The following CSRNP3 variants were observed in gnomAD, a reference collection of about 807,000 sequenced individuals.
The protein encoded by CSRNP3 is cysteine/serine-rich nuclear protein 3.
CSRNP3 carries 12 observed loss-of-function variants against 48.0 expected under a neutral mutation model. The ratio of observed to expected loss-of-function variants is 0.25; its 90% confidence interval spans 0.16 to 0.41. The LOEUF (loss-of-function observed/expected upper bound fraction) is 0.41. Among genes scored for constraint, CSRNP3 ranks in the 10% least tolerant of loss-of-function variants. The pLI is 1.00. For synonymous variants in CSRNP3, 263 were observed against 269.7 expected (o/e 0.98, Z 0.24); for missense variants, 580 against 724.4 (o/e 0.80, Z 2.29).
intron 1 of CSRNP3, among the ~76,000 whole-genome samples, chr2:165,477,693 T>A (rs1285075940): frequency 7.0e-6 from 1 of 142,148 alleles, no homozygotes; most frequent in Non-Finnish European, 1.5e-5. Flanking sequence ...TGTAGGCCGG[T>A]AGGCCAGGCA....
chr2:165,614,383 G>T (rs1394302029), intron 4 of CSRNP3, among the ~76,000 whole-genome samples: 1 of 152,104 alleles, frequency 6.6e-6, no homozygotes, highest in African/African-American at 2.4e-5. Flanking sequence ...TGCAAAGAAG[G>T]ACAATTTGAC....
chr2:165,605,417 C>T (rs183129950), intron 4 of CSRNP3, among the ~76,000 whole-genome samples: 47 of 152,080 alleles, frequency 3.1e-4, no homozygotes, highest in African/African-American at 9.9e-4. Context: ...ATCTAAAGTA[C>T]GTAGGCCCAA....
At chr2:165,486,176 T>C (rs373544113) in intron 1 of CSRNP3, among the ~76,000 whole-genome samples, 2,407 of 152,256 alleles carry the variant, frequency 0.016, 60 homozygotes, top group African/African-American at 0.054. Flanking sequence ...GTCAAATAAA[T>C]GGGTGACGGA....
At chr2:165,649,059 A>T (rs1031901954) in intron 4 of CSRNP3, among the ~76,000 whole-genome samples, 1 of 152,158 alleles carries the variant, frequency 6.6e-6, no homozygotes, top group Non-Finnish European at 1.5e-5. Context: ...GACTGAATGG[A>T]TGACGACGTG....
At chr2:165,614,441 TG>T (rs1190042172) in intron 4 of CSRNP3, among the ~76,000 whole-genome samples, 6 of 152,346 alleles carry the variant, frequency 3.9e-5, no homozygotes, top group Admixed American at 3.9e-4. Flanking sequence ...CCAATTGCTA[TG>T]ATCAAGACTT....
Position 165,608,934 on chromosome 2 carries a change from CAAAA to C in CSRNP3, c.148+13741_148+13744del, listed in dbSNP as rs33952227. Among the ~76,000 whole-genome samples the C allele has an allele frequency of 1.3e-3, 99 of 75,578 alleles. No homozygotes were observed. In the East Asian group the frequency reaches 0.018, roughly 14 times the overall value. The allele number at this position is 75,578 out of a possible 152,430, so 49.6% of individuals were successfully genotyped here. A position where few individuals can be genotyped will look rare whatever the true frequency, so the allele number is the denominator to read the frequency against. Reference sequence around the variant, plus strand: ...TGAAACCCCGTCTCTACTAAAAATACAAAAAAAAAAAAAAAAAAAAAAATTAGCT... The same window carrying C: ...TGAAACCCCGTCTCTACTAAAAATACAAAAAAAAAAAAAAAAAAATTAGCT... On this transcript the variant is annotated intron_variant, in intron 4 of 6. Coordinates refer to ENST00000651982, the MANE Select transcript of CSRNP3 (RefSeq NM_001172173.2).
intron 3 of CSRNP3, among the ~76,000 whole-genome samples, chr2:165,521,284 A>G (rs1684658956): frequency 6.6e-6 from 1 of 152,154 alleles, no homozygotes; most frequent in African/African-American, 2.4e-5. Context: ...TTCTTCCCAA[A>G]CCAATATTGA....
intron 2 of CSRNP3, among the ~76,000 whole-genome samples, chr2:165,505,758 G>C (rs1488080565): frequency 6.6e-6 from 1 of 152,052 alleles, no homozygotes; most frequent in South Asian, 2.1e-4. Context: ...TGGCAACAAG[G>C]CTTGTCAACA....
intron 3 of CSRNP3, among the ~76,000 whole-genome samples, chr2:165,549,190 T>A (rs1396428087): frequency 1.3e-5 from 2 of 152,020 alleles, no homozygotes; most frequent in African/African-American, 4.8e-5. Context: ...TGATTTTATT[T>A]ATAATCTGTG....
At chr2:165,632,025 C>A (rs1191455272) in intron 4 of CSRNP3, among the ~76,000 whole-genome samples, 1 of 152,178 alleles carries the variant, frequency 6.6e-6, no homozygotes, top group African/African-American at 2.4e-5. Flanking sequence ...GACTTGTTTG[C>A]AGAATTTTTA....
chr2:165,586,723 G>A (rs978343106), intron 3 of CSRNP3, among the ~76,000 whole-genome samples: 11 of 152,164 alleles, frequency 7.2e-5, no homozygotes, highest in African/African-American at 2.4e-4. Flanking sequence ...AACACTAGAT[G>A]AATATCAGTG....
intron 4 of CSRNP3, among the ~76,000 whole-genome samples, chr2:165,625,534 T>C (rs1369145165): frequency 1.3e-4 from 19 of 151,376 alleles, no homozygotes; most frequent in Admixed American, 1.2e-3. Context: ...CTTGGGAAGC[T>C]GAGACAGGAG....
At chr2:165,662,006 T>C (rs2390289) in intron 5 of CSRNP3, among the ~76,000 whole-genome samples, 68,045 of 151,786 alleles carry the variant, frequency 0.45, 15,283 homozygotes, top group East Asian at 0.55. Flanking sequence ...GAGTTCCAAA[T>C]AGAGAACACA....
chr2:165,622,199 G>A (rs906685084), intron 4 of CSRNP3, among the ~76,000 whole-genome samples: 2 of 152,042 alleles, frequency 1.3e-5, no homozygotes, highest in Admixed American at 6.6e-5. Context: ...AATTCTAGCA[G>A]CCTATTTCCC....
At chr2:165,535,503 G>A (rs1684870608) in intron 3 of CSRNP3, among the ~76,000 whole-genome samples, 2 of 151,774 alleles carry the variant, frequency 1.3e-5, no homozygotes, top group African/African-American at 4.8e-5. Context: ...AGACCATTTA[G>A]TCTACAAATG....
rs536134451 is a variant in CSRNP3 at position 165,515,781 on chromosome 2, A to G, written c.-112-2092A>G. On this transcript the variant is annotated intron_variant, in intron 2 of 6. Coordinates refer to ENST00000651982, the MANE Select transcript of CSRNP3 (RefSeq NM_001172173.2). Reference sequence around the variant, plus strand: ...TTTAATTATTTTGTTTTAATTGCAAATATCTTTTTCTTTTCCTTTCTTTTT... The same window carrying G: ...TTTAATTATTTTGTTTTAATTGCAAGTATCTTTTTCTTTTCCTTTCTTTTT... Among the ~76,000 whole-genome samples, 83 of 150,644 alleles carry G rather than the reference A, an allele frequency of 5.5e-4. 2 individuals are homozygous for G. Among genetic ancestry groups the G allele is most frequent in the Admixed American group, 4.6e-3 (69 of 15,024 alleles).
chr2:165,666,777 A>AGAG (rs1687221831), intron 5 of CSRNP3, among the ~76,000 whole-genome samples: 2 of 128,632 alleles, frequency 1.6e-5, no homozygotes, highest in African/African-American at 2.9e-5. Flanking sequence ...AAGAAAGAGA[A>AGAG]AGGAAGGCAG....
At chr2:165,480,825 TTATAATA>T (rs1204586523) in intron 1 of CSRNP3, among the ~76,000 whole-genome samples, 1 of 146,266 alleles carries the variant, frequency 6.8e-6, no homozygotes, top group Non-Finnish European at 1.5e-5. Flanking sequence ...GTAATATATA[TTATAATA>T]TATATTTTAT....
intron 3 of CSRNP3, among the ~76,000 whole-genome samples, chr2:165,569,775 G>A (rs1383961154): frequency 6.6e-6 from 1 of 151,804 alleles, no homozygotes; most frequent in Non-Finnish European, 1.5e-5. Context: ...ACTGATTCCA[G>A]AGTTTTGATT....
Sources: gnomAD v4.1 joint callset for allele counts (sites outside exome capture counted in the v4.1 genomes callset) on GRCh38, gnomAD v4.1.1 for gene constraint, MANE v1.5 for transcripts, NCBI Gene and HGNC (gene_info 2026-07-23, HGNC 2026-07-21) for gene names.